Variants in EVL observed in about 807,000 individuals in gnomAD.
The protein encoded by EVL is Enah/Vasp-like, also known as ena/VASP-like protein.
EVL carries 21 observed loss-of-function variants against 59.6 expected under a neutral mutation model. The observed-to-expected ratio is 0.35, with a 90% CI of 0.25 to 0.51. The LOEUF (loss-of-function observed/expected upper bound fraction) is 0.51. EVL is among the 20% of genes least tolerant of loss of function. The pLI, the probability that EVL is intolerant of heterozygous loss-of-function variation, is 0.97. For missense variants in EVL, 462 were observed against 546.6 expected, an observed-to-expected ratio of 0.85 and a Z score of 1.54; for synonymous variants, 198 against 203.5, an observed-to-expected ratio of 0.97 and a Z score of 0.23.
At chr14:100,091,803 G>A (rs1253687319) in intron 2 of EVL, among the ~76,000 whole-genome samples, 1 of 152,204 alleles carries the variant, frequency 6.6e-6, no homozygotes, top group Non-Finnish European at 1.5e-5. Flanking sequence ...ACTGGCATCT[G>A]AAGTTGGGGT....
At chr14:100,061,618 C>T (rs1460603191), upstream of EVL, among the ~76,000 whole-genome samples, 1 of 152,036 alleles carries the variant, frequency 6.6e-6, no homozygotes, top group African/African-American at 2.4e-5. Context: ...GGTTAGGGTA[C>T]TGGCCCCTCG....
chr14:99,989,956 G>C (rs2060864956), intron 1 of EVL, among the ~76,000 whole-genome samples: 1 of 152,124 alleles, frequency 6.6e-6, no homozygotes, highest in Non-Finnish European at 1.5e-5. Context: ...TACTCAGCTA[G>C]TATTTGCTTC....
intron 2 of EVL, among the ~76,000 whole-genome samples, chr14:100,086,725 G>A (rs2062451607): frequency 6.6e-6 from 1 of 152,224 alleles, no homozygotes; most frequent in Non-Finnish European, 1.5e-5. Flanking sequence ...GTTTAAATTT[G>A]GAGGGCTGTG....
intron 1 of EVL, among the ~76,000 whole-genome samples, chr14:99,989,513 C>T (rs1417256201): frequency 6.6e-6 from 1 of 152,196 alleles, no homozygotes; most frequent in African/African-American, 2.4e-5. Flanking sequence ...AGAGAGTATG[C>T]AAAGTCTTGC....
intron 2 of EVL, among the ~76,000 whole-genome samples, chr14:100,094,566 C>G (rs925164996): frequency 3.3e-5 from 5 of 150,796 alleles, no homozygotes; most frequent in African/African-American, 1.2e-4. Flanking sequence ...CATGGTGAAA[C>G]CCTGACTCTA....
At chr14:100,110,500 GC>G (rs1280986525) in intron 3 of EVL, among the ~76,000 whole-genome samples, 1 of 152,154 alleles carries the variant, frequency 6.6e-6, no homozygotes, top group Non-Finnish European at 1.5e-5. Context: ...TCTGAGGGAA[GC>G]GGGGCTTGAA....
At chr14:100,031,170 G>A (rs2061309104) in intron 1 of EVL, among the ~76,000 whole-genome samples, 1 of 152,152 alleles carries the variant, frequency 6.6e-6, no homozygotes, top group African/African-American at 2.4e-5. Flanking sequence ...AACTGGGAAG[G>A]CCCATTGCAA....
chr14:100,065,833 T>C (rs1272062714), intron 1 of EVL, among the ~76,000 whole-genome samples: 1 of 152,278 alleles, frequency 6.6e-6, no homozygotes, highest in African/African-American at 2.4e-5. Context: ...TCTAGGGGAA[T>C]TGTTGTTTAG....
chr14:100,141,102 T>C (rs774810683), intron 11 of EVL, 78 bp from the exon 12 acceptor site: 8 of 1,439,902 alleles, frequency 5.6e-6, no homozygotes, highest in Non-Finnish European at 7.7e-6. Flanking sequence ...GGGCCCAGCC[T>C]GAGCGGGGCC....
intron 8 of EVL, chr14:100,135,272 C>CA (rs1888706554): frequency 6.6e-6 from 1 of 152,242 alleles, no homozygotes. Flanking sequence ...CCCACGGTGA[C>CA]AAGGGAGAGG....
At chr14:100,139,569 C>T (rs963636771) in intron 11 of EVL, 1 of 152,318 alleles carries the variant, frequency 6.6e-6, no homozygotes, top group African/African-American at 2.4e-5. Context: ...CCTATCAGGA[C>T]CCAGAATTAC....
At chr14:100,111,128 T>C (rs1397256621) in intron 3 of EVL, among the ~76,000 whole-genome samples, 1 of 151,156 alleles carries the variant, frequency 6.6e-6, no homozygotes, top group Non-Finnish European at 1.5e-5. Context: ...CATTTCACCA[T>C]TCTAAGCCTT....
chr14:99,987,539 G>T (rs1055617704), intron 1 of EVL, among the ~76,000 whole-genome samples: 1 of 152,232 alleles, frequency 6.6e-6, no homozygotes, highest in African/African-American at 2.4e-5. Context: ...CTACTTGGGA[G>T]ACTGAGGAAG....
intron 1 of EVL, among the ~76,000 whole-genome samples, chr14:100,056,550 T>A (rs2061736592): frequency 6.6e-6 from 1 of 152,198 alleles, no homozygotes; most frequent in African/African-American, 2.4e-5. Flanking sequence ...TCTTTTAAGT[T>A]TTTCTTTTAT....
intron 1 of EVL, among the ~76,000 whole-genome samples, chr14:100,082,193 A>G (rs1323382514): frequency 8.2e-6 from 1 of 122,172 alleles, no homozygotes; most frequent in African/African-American, 3.1e-5. Context: ...GCATCCCTCC[A>G]GGCTGGATAA....
intron 2 of EVL, among the ~76,000 whole-genome samples, chr14:100,096,785 A>C (rs1885844009): frequency 6.6e-6 from 1 of 152,164 alleles, no homozygotes; most frequent in South Asian, 2.1e-4. Context: ...TAAGCACCTG[A>C]ATGTCTGGAT....
intron 6 of EVL, among the ~76,000 whole-genome samples, chr14:100,129,226 T>C (rs370298923): frequency 2.1e-4 from 32 of 152,234 alleles, no homozygotes; most frequent in African/African-American, 7.2e-4. Context: ...GACCTTTGGC[T>C]TACATTGTGT....
intron 1 of EVL, among the ~76,000 whole-genome samples, chr14:100,041,641 T>C (rs556069326): frequency 2.0e-5 from 3 of 152,366 alleles, no homozygotes; most frequent in East Asian, 3.9e-4. Flanking sequence ...ATTAGACTTA[T>C]ATCCTTCTGA....
In EVL at chr14:100,065,793, C is replaced by T. The variant is rs1376741777; in HGVS notation, c.11+282C>T. Among the ~76,000 whole-genome samples, 18 of 152,170 alleles carry T rather than the reference C, an allele frequency of 1.2e-4. 1 individual carries two copies. The highest frequency in any genetic ancestry group is 2.4e-4 in the Non-Finnish European group (16 of 68,038). On this transcript the variant is annotated intron_variant, in intron 1 of 13. Coordinates refer to ENST00000392920, the MANE Select transcript of EVL (RefSeq NM_016337.3). ...GACTTACTTAGAAATTAGCACCTGC[C>T]TCTCATTATAGGGAGGAGGGTCTGA...
Sources: allele counts gnomAD v4.1 joint callset (sites outside exome capture counted in the v4.1 genomes callset), GRCh38; gene constraint gnomAD v4.1.1; transcripts MANE v1.5; gene names NCBI Gene and HGNC (gene_info 2026-07-23, HGNC 2026-07-21).